The following WWOX variants were observed in gnomAD, a reference collection of about 807,000 sequenced individuals.
WWOX encodes the protein WW domain containing oxidoreductase, also known as WW domain-containing oxidoreductase.
A neutral mutation model predicts 46.2 loss-of-function variants in WWOX; 69 were observed. That is an observed-to-expected ratio of 1.49 (90% confidence interval 1.23 to 1.82). The LOEUF is 1.82. WWOX is among the 40% of genes most tolerant of loss of function. The pLI is 0.00. For synonymous variants in WWOX, 359 were observed against 202.6 expected (o/e 1.77, Z -6.56); for missense variants, 919 against 542.6 (o/e 1.69, Z -6.89).
intron 8 of WWOX, among the ~76,000 whole-genome samples, chr16:78,763,250 C>A (rs752093205): frequency 6.6e-6 from 1 of 152,242 alleles, no homozygotes; most frequent in Non-Finnish European, 1.5e-5. Flanking sequence ...TACTGCTTTA[C>A]CTGCATCCTG....
At chr16:78,977,390 G>T (rs1418531252) in intron 8 of WWOX, among the ~76,000 whole-genome samples, 2 of 152,184 alleles carry the variant, frequency 1.3e-5, no homozygotes, top group Non-Finnish European at 2.9e-5. Context: ...GACCATAGAA[G>T]TTTGTGGGGT....
At chr16:78,878,157 T>C (rs7201990) in intron 8 of WWOX, among the ~76,000 whole-genome samples, 28 of 152,194 alleles carry the variant, frequency 1.8e-4, no homozygotes, top group African/African-American at 6.8e-4. Flanking sequence ...CCATGCCTGC[T>C]TCCGAGGTGG....
rs76583293 is a variant in WWOX at position 78,930,116 on chromosome 16, T to G, written c.1057-281492T>G. On this transcript the variant is annotated intron_variant, in intron 8 of 8. Coordinates refer to ENST00000566780, the MANE Select transcript of WWOX (RefSeq NM_016373.4). ...CTCCTTCCCTTCCTGCCGTCTGGGA[T>G]GTGGGGTCTGGCAGAGAAACAATAT... Among the ~76,000 whole-genome samples the G allele has an allele frequency of 0.013, 1,926 of 152,014 alleles. 127 individuals carry two copies. The East Asian group carries it at 0.2, about 16-fold the overall frequency.
intron 4 of WWOX, among the ~76,000 whole-genome samples, chr16:78,161,720 C>A (rs2034800720): frequency 2.0e-5 from 3 of 152,162 alleles, no homozygotes; most frequent in South Asian, 2.1e-4. Flanking sequence ...GAATTACAGG[C>A]CACTGTACCT....
At position 78,326,229 on chromosome 16, in the gene WWOX, C is replaced by G. The variant is rs146537620; in HGVS notation, c.517-60631C>G. Among the ~76,000 whole-genome samples the G allele has an allele frequency of 5.7e-3, 874 of 152,284 alleles. 6 individuals are homozygous for G. Among genetic ancestry groups the G allele is most frequent in the Middle Eastern group, 0.027 (8 of 294 alleles). On this transcript the variant is annotated intron_variant, in intron 5 of 8. Coordinates refer to ENST00000566780, the MANE Select transcript of WWOX (RefSeq NM_016373.4). ...TGGGGGAACCTGAATTATGGGGATG[C>G]TCACAAAAGGGCAAAACACAACGGT... is the stretch of plus-strand genomic sequence containing the variant.
chr16:78,410,679 G>A (rs1281173271), intron 6 of WWOX, among the ~76,000 whole-genome samples: 4 of 151,576 alleles, frequency 2.6e-5, no homozygotes, highest in African/African-American at 9.7e-5. Flanking sequence ...GGTGGCACAT[G>A]CATGTAATCC....
chr16:79,097,314 C>T (rs1013259086), intron 8 of WWOX, among the ~76,000 whole-genome samples: 1 of 151,990 alleles, frequency 6.6e-6, no homozygotes, highest in African/African-American at 2.4e-5. Flanking sequence ...CATTCGCAAT[C>T]CAGCAGGATG....
chr16:79,145,092 A>G (rs146943690), intron 8 of WWOX, among the ~76,000 whole-genome samples: 15 of 152,296 alleles, frequency 9.8e-5, no homozygotes, highest in South Asian at 4.1e-4. Flanking sequence ...GCCACTGATT[A>G]TGGGTCAGAG....
chr16:78,598,585 C>A (rs561064780), intron 8 of WWOX, among the ~76,000 whole-genome samples: 2 of 152,258 alleles, frequency 1.3e-5, no homozygotes, highest in Admixed American at 1.3e-4. Context: ...ATCGGTGACG[C>A]CAACACACCT....
chr16:78,446,361 A>G (rs974532608), intron 8 of WWOX, among the ~76,000 whole-genome samples: 5 of 152,146 alleles, frequency 3.3e-5, no homozygotes, highest in Non-Finnish European at 1.5e-5. Flanking sequence ...GCCTTGGTCA[A>G]CATCCTGAAG....
chr16:78,768,547 G>A (rs932956781), intron 8 of WWOX, among the ~76,000 whole-genome samples: 31 of 151,086 alleles, frequency 2.1e-4, no homozygotes, highest in South Asian at 4.2e-4. Context: ...CGGAGACTGC[G>A]CCGCTGCACT....
At chr16:79,182,016 G>T (rs2050922007) in intron 8 of WWOX, among the ~76,000 whole-genome samples, 2 of 152,080 alleles carry the variant, frequency 1.3e-5, no homozygotes, top group African/African-American at 4.8e-5. Context: ...TGTGGATTCT[G>T]CAGCAGACAG....
At chr16:78,407,162 A>G (rs554247614) in intron 6 of WWOX, among the ~76,000 whole-genome samples, 31 of 152,258 alleles carry the variant, frequency 2.0e-4, no homozygotes, top group African/African-American at 7.0e-4. Flanking sequence ...AGAATTCTAC[A>G]TTATTTTTTT....
chr16:78,351,129 C>G (rs964013020), intron 5 of WWOX, among the ~76,000 whole-genome samples: 1 of 152,028 alleles, frequency 6.6e-6, no homozygotes, highest in Non-Finnish European at 1.5e-5. Context: ...TAATCATGCC[C>G]ACCTCATTTT....
chr16:79,068,677 G>A (rs1321984315), intron 8 of WWOX, among the ~76,000 whole-genome samples: 1 of 151,816 alleles, frequency 6.6e-6, no homozygotes, highest in African/African-American at 2.4e-5. Context: ...CAGGCGTGGG[G>A]GTGCATGCCT....
intron 8 of WWOX, among the ~76,000 whole-genome samples, chr16:78,811,559 C>T (rs1452125286): frequency 9.3e-5 from 14 of 151,308 alleles, no homozygotes; most frequent in South Asian, 6.3e-4. Context: ...CTAGGAGAAA[C>T]GGGGTTTCAC....
chr16:78,530,698 A>G (rs1427448826), intron 8 of WWOX, among the ~76,000 whole-genome samples: 1 of 152,154 alleles, frequency 6.6e-6, no homozygotes, highest in Non-Finnish European at 1.5e-5. Flanking sequence ...GGCCCTCACC[A>G]CGGACCTGCC....
intron 5 of WWOX, among the ~76,000 whole-genome samples, chr16:78,247,612 A>C (rs937479438): frequency 3.9e-5 from 6 of 151,932 alleles, no homozygotes; most frequent in African/African-American, 1.4e-4. Flanking sequence ...CAATTTCCCA[A>C]CACCTGCCCC....
chr16:78,177,283 C>T (rs998849476), intron 5 of WWOX, among the ~76,000 whole-genome samples: 5 of 152,128 alleles, frequency 3.3e-5, no homozygotes, highest in East Asian at 1.9e-4. Flanking sequence ...AAATTTTGGG[C>T]AATTTTAATT....
Sources: gnomAD v4.1 joint callset for allele counts (sites outside exome capture counted in the v4.1 genomes callset) on GRCh38, gnomAD v4.1.1 for gene constraint, MANE v1.5 for transcripts, NCBI Gene and HGNC (gene_info 2026-07-23, HGNC 2026-07-21) for gene names.